Variants in CAMTA1 observed in about 807,000 individuals in gnomAD.
The protein encoded by CAMTA1 is calmodulin binding transcription activator 1, also known as calmodulin-binding transcription activator 1.
In CAMTA1, 27 loss-of-function variants were observed where a neutral mutation model predicts 170.9. That is an observed-to-expected ratio of 0.16 (90% CI 0.12 to 0.22). The LOEUF (loss-of-function observed/expected upper bound fraction) is 0.22, where lower values mean the gene tolerates loss of function less well. CAMTA1 is among the 10% of genes least tolerant of loss of function. CAMTA1 has a pLI of 1.00. For missense variants in CAMTA1, 1,619 were observed against 2,217.2 expected (o/e 0.73, Z 5.42); for synonymous variants, 833 against 891.5 (o/e 0.93, Z 1.17).
At chr1:7,710,801 T>C (rs2096564759) in intron 11 of CAMTA1, among the ~76,000 whole-genome samples, 1 of 151,964 alleles carries the variant, frequency 6.6e-6, no homozygotes, top group Non-Finnish European at 1.5e-5. Context: ...GATGGCCCAC[T>C]CTGAGCTACA....
At chr1:7,499,116 G>A (rs1466188100) in intron 6 of CAMTA1, among the ~76,000 whole-genome samples, 2 of 137,838 alleles carry the variant, frequency 1.5e-5, no homozygotes, top group Non-Finnish European at 3.2e-5. Flanking sequence ...AGTGTGTAGA[G>A]AGGATGGTGT....
rs111163301 is a variant in CAMTA1, at chr1:7,500,141, G to A, written c.510+32240G>A. 8.2e-3 allele frequency among the ~76,000 whole-genome samples: 922 copies of A among 112,884 alleles called. 9 individuals are homozygous for A. Among genetic ancestry groups the A allele is most frequent in the African/African-American group, 0.029 (784 of 27,484 alleles). 74.1% of individuals were successfully genotyped at this position (112,884 alleles called of 152,430 possible). ...CCTGGTGTGCGTGTGTATGTATATG[G>A]GTGTGTGTGTGCATGTGTGTACATG... is the stretch of plus-strand genomic sequence containing the variant. On this transcript the variant is annotated intron_variant, in intron 6 of 22. Coordinates refer to ENST00000303635, the MANE Select transcript of CAMTA1 (RefSeq NM_015215.4).
At chr1:7,253,384 T>C (rs1666902977) in intron 5 of CAMTA1, among the ~76,000 whole-genome samples, 1 of 152,190 alleles carries the variant, frequency 6.6e-6, no homozygotes, top group African/African-American at 2.4e-5. Context: ...TACTTTTCTC[T>C]GGCCCCAGAA....
intron 1 of CAMTA1, among the ~76,000 whole-genome samples, chr1:6,801,146 C>T (rs1015545532): frequency 6.6e-6 from 1 of 152,188 alleles, no homozygotes; most frequent in Non-Finnish European, 1.5e-5. Flanking sequence ...TGACCAAATT[C>T]AAGGCCCAGA....
intron 11 of CAMTA1, among the ~76,000 whole-genome samples, chr1:7,718,554 C>CTTTTT (rs34752156): frequency 1.6e-5 from 2 of 123,564 alleles, no homozygotes; most frequent in African/African-American, 3.1e-5. Flanking sequence ...CATTACAGCA[C>CTTTTT]TTTTTTTTTT....
chr1:6,954,714 A>T (rs930042288), intron 3 of CAMTA1, among the ~76,000 whole-genome samples: 3 of 152,136 alleles, frequency 2.0e-5, no homozygotes, highest in African/African-American at 7.2e-5. Flanking sequence ...ATCCTCAAGG[A>T]CCGCGAGTGC....
chr1:7,742,466 G>A lies in CAMTA1; in HGVS notation c.4183-2369G>A, dbSNP rs138076679. On this transcript the variant is annotated intron_variant, in intron 16 of 22. Transcript: ENST00000303635. ...CTACGTATATAATTGTTCTTTTCAG[G>A]TGTCCAAGGCATGTTTATGAAAACT... 8.5e-3 allele frequency among the ~76,000 whole-genome samples: 1,295 copies of A among 152,064 alleles called. 10 individuals are homozygous for A. Among genetic ancestry groups the A allele is most frequent in the African/African-American group, 0.028 (1,165 of 41,464 alleles).
chr1:7,654,293 T>C (rs946181524), intron 7 of CAMTA1, among the ~76,000 whole-genome samples: 2 of 151,990 alleles, frequency 1.3e-5, no homozygotes, highest in African/African-American at 4.8e-5. Flanking sequence ...GGCATGAGAA[T>C]TGCTTGAACC....
In CAMTA1 at chr1:7,440,548, G is replaced by A. The variant is rs1423030606; in HGVS notation, c.439-27282G>A. On this transcript the variant is annotated intron_variant, in intron 5 of 22. Coordinates refer to ENST00000303635, the MANE Select transcript of CAMTA1 (RefSeq NM_015215.4). ...TCCAAAATTAGTCTTTCTCTGTGTAGCAGCTATCACAAACAGCATGAGACG... is the reference window on the plus strand; with the variant it reads ...TCCAAAATTAGTCTTTCTCTGTGTAACAGCTATCACAAACAGCATGAGACG... Among the ~76,000 whole-genome samples, 6 of 152,230 alleles carry A rather than the reference G, an allele frequency of 3.9e-5. No individual in the cohort carries two copies. The East Asian group carries it at 9.6e-4, about 24-fold the overall frequency.
intron 3 of CAMTA1, among the ~76,000 whole-genome samples, chr1:7,052,385 C>T (rs1706545013): frequency 6.6e-6 from 1 of 152,140 alleles, no homozygotes; most frequent in Non-Finnish European, 1.5e-5. Context: ...TTCTCTGTGG[C>T]TTCCTGCTTT....
intron 3 of CAMTA1, among the ~76,000 whole-genome samples, chr1:6,833,095 G>A (rs909001737): frequency 6.6e-6 from 1 of 152,180 alleles, no homozygotes; most frequent in Non-Finnish European, 1.5e-5. Flanking sequence ...ACACAGGTGA[G>A]GGGAGACAGG....
At chr1:6,991,263 G>A (rs935260810) in intron 3 of CAMTA1, among the ~76,000 whole-genome samples, 1 of 152,160 alleles carries the variant, frequency 6.6e-6, no homozygotes, top group Non-Finnish European at 1.5e-5. Flanking sequence ...GCCTAGGAAA[G>A]AATTGTTGGG....
intron 3 of CAMTA1, chr1:6,852,986 T>TAACTCAGGAAAGTCCAAGA (rs70984027): frequency 0.52 from 79,224 of 152,068 alleles, 20,727 homozygotes; most frequent in African/African-American, 0.54. Context: ...CTTACTACCG[T>TAACTCAGGAAAGTCCAAGA]GTTTCAGGGC....
At chr1:7,548,506 A>T in intron 6 of CAMTA1, among the ~76,000 whole-genome samples, 1 of 117,778 alleles carries the variant, frequency 8.5e-6, no homozygotes, top group Admixed American at 8.3e-5. Flanking sequence ...TTAGGGGTGG[A>T]GGTGCTGGTG....
intron 3 of CAMTA1, among the ~76,000 whole-genome samples, chr1:6,922,933 C>T (rs1427397644): frequency 2.0e-5 from 3 of 152,096 alleles, no homozygotes; most frequent in Non-Finnish European, 4.4e-5. Context: ...ACTCCGGTGA[C>T]GGTGGCAAGC....
At chr1:7,398,156 T>G (rs1413577225) in intron 5 of CAMTA1, among the ~76,000 whole-genome samples, 8 of 23,674 alleles carry the variant, frequency 3.4e-4, no homozygotes, top group East Asian at 3.0e-3. Context: ...ATAATATTGC[T>G]CTCTCTCTCT....
At chr1:7,344,030 A>G (rs906746929) in intron 5 of CAMTA1, among the ~76,000 whole-genome samples, 2 of 152,260 alleles carry the variant, frequency 1.3e-5, no homozygotes, top group African/African-American at 4.8e-5. Flanking sequence ...CCTAGGAGAC[A>G]GTGCTTGCTG....
rs1373306195 is a variant in CAMTA1 at position 7,528,796 on chromosome 1, A to AGGAT, written c.510+60901_510+60904dup. Reference sequence around the variant, plus strand: ...CTAAGATCAAATGTAAAGGAATGAAAGGATGGATGAATGAATGAATGAATG... The same window carrying AGGAT: ...CTAAGATCAAATGTAAAGGAATGAAAGGATGGATGGATGAATGAATGAATGAATG... On this transcript the variant is annotated intron_variant, in intron 6 of 22. Transcript: ENST00000303635. 9.9e-5 allele frequency among the ~76,000 whole-genome samples: 13 copies of AGGAT among 131,560 alleles called. No individual in the cohort carries two copies. The East Asian group carries it at 1.9e-3, about 19-fold the overall frequency. 86.3% of individuals were successfully genotyped at this position (131,560 alleles called of 152,430 possible).
At chr1:6,912,367 G>T (rs1466354672) in intron 3 of CAMTA1, among the ~76,000 whole-genome samples, 2 of 152,170 alleles carry the variant, frequency 1.3e-5, no homozygotes, top group African/African-American at 2.4e-5. Flanking sequence ...TTATTCCCAA[G>T]AAGTCACCAA....
Sources: gnomAD v4.1 joint callset for allele counts (sites outside exome capture counted in the v4.1 genomes callset) on GRCh38, gnomAD v4.1.1 for gene constraint, MANE v1.5 for transcripts, NCBI Gene and HGNC (gene_info 2026-07-23, HGNC 2026-07-21) for gene names.